Variants in ABCC4 observed in about 807,000 individuals in gnomAD.
ABCC4 encodes the protein ATP-binding cassette sub-family C member 4.
Under a neutral mutation model 168.5 loss-of-function variants are expected in ABCC4, and 102 were observed. The ratio of observed to expected loss-of-function variants is 0.61; its 90% confidence interval spans 0.52 to 0.71. The LOEUF (loss-of-function observed/expected upper bound fraction) is 0.71, where lower values mean the gene tolerates loss of function less well. Ranked by LOEUF, ABCC4 falls within the 30% of genes least tolerant of loss-of-function variation. The probability of loss-of-function intolerance (pLI) is 0.00; values close to 1 mark genes in which losing one functional copy is unlikely to be tolerated. For missense variants in ABCC4, 1,402 were observed against 1,605.8 expected (o/e 0.87, Z 2.17); for synonymous variants, 617 against 590.7 (o/e 1.04, Z -0.65).
intron 7 of ABCC4, among the ~76,000 whole-genome samples, chr13:95,207,554 T>C (rs1332381970): frequency 2.0e-5 from 3 of 152,184 alleles, no homozygotes; most frequent in African/African-American, 7.2e-5. Context: ...TCAGAAACAT[T>C]TGGAATTTCA....
intron 19 of ABCC4, among the ~76,000 whole-genome samples, chr13:95,142,081 C>G (rs1014154170): frequency 9.2e-5 from 14 of 152,204 alleles, no homozygotes; most frequent in Admixed American, 8.5e-4. Flanking sequence ...AGCAATCCCA[C>G]TACTGGGTAT....
At chr13:95,173,010 C>T (rs1029277103) in intron 13 of ABCC4, among the ~76,000 whole-genome samples, 8 of 152,270 alleles carry the variant, frequency 5.3e-5, no homozygotes, top group African/African-American at 1.7e-4. Context: ...TGAGCACTGA[C>T]GAAGTACCAG....
At chr13:95,178,930 T>C (rs927079990) in intron 11 of ABCC4, among the ~76,000 whole-genome samples, 1 of 152,036 alleles carries the variant, frequency 6.6e-6, no homozygotes, top group African/African-American at 2.4e-5. Flanking sequence ...TGTGTTGTGA[T>C]AGAAAAAGAG....
At chr13:95,061,402 G>C (rs1231814073) in intron 26 of ABCC4, among the ~76,000 whole-genome samples, 1 of 152,178 alleles carries the variant, frequency 6.6e-6, no homozygotes, top group Admixed American at 6.5e-5. Flanking sequence ...AGAGGTCAGT[G>C]CTAGGATAGC....
chr13:95,245,915 A>T (rs1245080669), intron 3 of ABCC4, among the ~76,000 whole-genome samples: 4 of 56,064 alleles, frequency 7.1e-5, no homozygotes, highest in Non-Finnish European at 1.6e-4. Context: ...ATGCACCGTG[A>T]CAACTCCCCA....
intron 1 of ABCC4, among the ~76,000 whole-genome samples, chr13:95,265,939 G>T (rs1197931796): frequency 6.6e-6 from 1 of 152,188 alleles, no homozygotes; most frequent in Non-Finnish European, 1.5e-5. Context: ...AGGTCGGGCT[G>T]TATCTGTCCC....
chr13:95,240,150 G>A (rs1402405591), intron 3 of ABCC4, among the ~76,000 whole-genome samples: 1 of 152,188 alleles, frequency 6.6e-6, no homozygotes. Context: ...AGCATGCAAG[G>A]ATGTAGAGGG....
chr13:95,232,157 G>GGT (rs1566551471), intron 4 of ABCC4, among the ~76,000 whole-genome samples: 65 of 151,196 alleles, frequency 4.3e-4, no homozygotes, highest in East Asian at 7.8e-4. Context: ...TGGTGGTGGT[G>GGT]ATGATGATGA....
rs57192316 is a variant in ABCC4, at chr13:95,172,319, C to T, written c.1728-1691G>A. ...TTAAGAGGCCAGCCACGGGGGCTCA[C>T]GCCTATAATTCCAGCACTTTGGAAG... On this transcript the variant is annotated intron_variant, in intron 13 of 30. Coordinates refer to ENST00000645237, the MANE Select transcript of ABCC4 (RefSeq NM_005845.5). Among the ~76,000 whole-genome samples, 565 of 152,288 alleles carry T rather than the reference C, an allele frequency of 3.7e-3. 1 individual carries two copies. The highest frequency in any genetic ancestry group is 0.013 in the African/African-American group (550 of 41,554).
chr13:95,208,025 G>A lies in ABCC4; in HGVS notation c.786-100C>T, dbSNP rs2038832332. The A allele has an allele frequency of 2.2e-6, 3 of 1,393,562 alleles. No individual in the cohort carries two copies. In the Admixed American group the frequency reaches 7.1e-5, roughly 33 times the overall value. The allele number at this position is 1,393,562 out of a possible 1,614,324, so 86.3% of individuals were successfully genotyped here. Reference sequence around the variant, plus strand: ...GACCTGCATCACATGGTTCCCTACAGCGCTTTTGCTTCCGACAACACAGAC... The same window carrying A: ...GACCTGCATCACATGGTTCCCTACAACGCTTTTGCTTCCGACAACACAGAC... On this transcript the variant is annotated intron_variant, in intron 6 of 30. Transcript: ENST00000645237.
At chr13:95,144,441 GA>G (rs952622688) in intron 19 of ABCC4, among the ~76,000 whole-genome samples, 5 of 151,950 alleles carry the variant, frequency 3.3e-5, no homozygotes, top group Non-Finnish European at 7.4e-5. Context: ...AACCAAATAG[GA>G]AAAAGCAAGT....
At chr13:95,176,031 G>T (rs2139589864) in intron 13 of ABCC4, among the ~76,000 whole-genome samples, 1 of 152,036 alleles carries the variant, frequency 6.6e-6, no homozygotes, top group South Asian at 2.1e-4. Flanking sequence ...TCTTTCAAAG[G>T]AATTGAATCC....
chr13:95,098,330 C>A (rs192112501), intron 20 of ABCC4, among the ~76,000 whole-genome samples: 10 of 151,730 alleles, frequency 6.6e-5, no homozygotes, highest in Non-Finnish European at 1.5e-4. Context: ...TAAATTAAAT[C>A]AATGTAACTT....
chr13:95,159,892 T>G (rs2139538551), intron 19 of ABCC4, among the ~76,000 whole-genome samples: 1 of 152,296 alleles, frequency 6.6e-6, no homozygotes, highest in Middle Eastern at 3.4e-3. Context: ...CACCCCACAG[T>G]GAAGGTGATT....
intron 4 of ABCC4, among the ~76,000 whole-genome samples, chr13:95,224,576 A>C (rs2039402092): frequency 6.6e-6 from 1 of 152,072 alleles, no homozygotes; most frequent in Non-Finnish European, 1.5e-5. Flanking sequence ...ATCTCTACCA[A>C]AAATACAAAA....
At chr13:95,133,053 A>C (rs544040775) in intron 19 of ABCC4, among the ~76,000 whole-genome samples, 9 of 152,198 alleles carry the variant, frequency 5.9e-5, no homozygotes, top group Non-Finnish European at 1.0e-4. Flanking sequence ...TAGAGTACTT[A>C]AAATGATTAA....
chr13:95,170,546 G>A lies in ABCC4; in HGVS notation c.1810C>T (p.Leu604=), dbSNP rs762871057. The A allele has an allele frequency of 1.1e-5, 17 of 1,610,498 alleles. No homozygotes were observed. Among genetic ancestry groups the A allele is most frequent in the African/African-American group, 1.3e-5 (1 of 74,846 alleles). ...LQYLKAASQI[L]ILKDGKMVQK... ...AAACTACTTACATCTTTCAATATCAGAATCTGACTTGCAGCTTTGAGGTAC... is the reference window on the plus strand; with the variant it reads ...AAACTACTTACATCTTTCAATATCAAAATCTGACTTGCAGCTTTGAGGTAC... The change falls in exon 14 of 31, where the codon CTG becomes TTG. Residue 604 remains leucine (L), a synonymous_variant. Transcript: ENST00000645237.
rs1014875075 is a variant in ABCC4, at chr13:95,021,322, G to C, written c.*253C>G. ...TGTAGTCTCTTAAGGCACAAAACCT[G>C]ATAGACGGCATTTAACTGGTGGCCT... is the stretch of plus-strand genomic sequence containing the variant. On this transcript the variant is annotated 3_prime_UTR_variant, in exon 31 of 31. Coordinates refer to ENST00000645237, the MANE Select transcript of ABCC4 (RefSeq NM_005845.5). 3 of 391,464 alleles carry C rather than the reference G, an allele frequency of 7.7e-6. No homozygotes were observed. 24.2% of individuals were successfully genotyped at this position (391,464 alleles called of 1,614,324 possible). A position where few individuals can be genotyped will look rare whatever the true frequency, so the allele number is the denominator to read the frequency against.
chr13:95,042,580 G>A (rs1464487420), intron 29 of ABCC4, among the ~76,000 whole-genome samples: 2 of 152,120 alleles, frequency 1.3e-5, no homozygotes, highest in South Asian at 2.1e-4. Context: ...TTACTCAAGA[G>A]AGAAAAAAAT....
Sources: allele counts gnomAD v4.1 joint callset (sites outside exome capture counted in the v4.1 genomes callset), GRCh38; gene constraint gnomAD v4.1.1; transcripts MANE v1.5; gene names NCBI Gene and HGNC (gene_info 2026-07-23, HGNC 2026-07-21).